The following GLI2 variants were observed in gnomAD, a reference collection of about 807,000 sequenced individuals.
GLI2 encodes the protein transcription activator GLI2.
Under a neutral mutation model 78.9 loss-of-function variants are expected in GLI2, and 22 were observed. That is an observed-to-expected ratio of 0.28 (90% CI 0.20 to 0.40). The LOEUF is 0.40. Among genes scored for constraint, GLI2 ranks in the 10% least tolerant of loss-of-function variants. GLI2 has a pLI of 1.00. For synonymous variants in GLI2, 974 were observed against 963.7 expected, an observed-to-expected ratio of 1.01 and a Z score of -0.20; for missense variants, 2,097 against 2,213.2, an observed-to-expected ratio of 0.95 and a Z score of 1.05.
intron 2 of GLI2, among the ~76,000 whole-genome samples, chr2:120,870,533 GTA>G (rs1688373010): frequency 6.6e-6 from 1 of 152,220 alleles, no homozygotes; most frequent in Non-Finnish European, 1.5e-5. Context: ...AGAGATTGGA[GTA>G]TGGCCTCAGC....
At chr2:120,805,231 G>C (rs1003934556) in intron 2 of GLI2, among the ~76,000 whole-genome samples, 8 of 152,234 alleles carry the variant, frequency 5.3e-5, no homozygotes, top group African/African-American at 1.9e-4. Flanking sequence ...GCCGCAGCCC[G>C]GGGTCTGGAC....
rs200420376 is a variant in GLI2 at position 120,927,516 on chromosome 2, G to A, written c.254+50G>A. 4.9e-4 allele frequency: 623 copies of A among 1,260,786 alleles called. 1 individual carries two copies. Among genetic ancestry groups the A allele is most frequent in the Non-Finnish European group, 6.7e-4 (576 of 857,636 alleles). 78.1% of individuals were successfully genotyped at this position (1,260,786 alleles called of 1,614,324 possible). ...CTCCTGGCGTGCAGTCACCTGCCAT[G>A]GGGAGGCTGGGCCGGCAGCCTCAGC... On this transcript the variant is annotated intron_variant, in intron 3 of 13. Coordinates refer to ENST00000361492, the MANE Select transcript of GLI2 (RefSeq NM_001374353.1).
intron 5 of GLI2, among the ~76,000 whole-genome samples, chr2:120,967,291 C>G (rs947502828): frequency 8.5e-5 from 13 of 152,240 alleles, no homozygotes; most frequent in African/African-American, 3.1e-4. Context: ...CCAGGTGCTT[C>G]TCACGCTTCG....
chr2:120,749,796 G>A (rs1359508698), intron 1 of GLI2, among the ~76,000 whole-genome samples: 1 of 152,208 alleles, frequency 6.6e-6, no homozygotes, highest in Non-Finnish European at 1.5e-5. Context: ...AAGTGCACAT[G>A]TCTTTAAATG....
At chr2:120,899,821 T>G (rs757186179) in intron 2 of GLI2, among the ~76,000 whole-genome samples, 4 of 152,242 alleles carry the variant, frequency 2.6e-5, no homozygotes, top group Non-Finnish European at 5.9e-5. Flanking sequence ...GCTGTTTTTC[T>G]AACTGGTGTC....
At chr2:120,868,987 G>C (rs555745370) in intron 2 of GLI2, among the ~76,000 whole-genome samples, 5 of 152,340 alleles carry the variant, frequency 3.3e-5, no homozygotes, top group African/African-American at 1.2e-4. Flanking sequence ...GCACTGGGAA[G>C]GACATGACCA....
At chr2:120,917,180 A>G (rs1396774836) in intron 2 of GLI2, among the ~76,000 whole-genome samples, 1 of 152,180 alleles carries the variant, frequency 6.6e-6, no homozygotes, top group African/African-American at 2.4e-5. Flanking sequence ...CGCCATCCTT[A>G]CCCATGAGGT....
At position 120,941,258 on chromosome 2, in the gene GLI2, T is replaced by C. The variant is rs1387487865; in HGVS notation, c.255-9985T>C. On this transcript the variant is annotated intron_variant, in intron 3 of 13. Coordinates refer to ENST00000361492, the MANE Select transcript of GLI2 (RefSeq NM_001374353.1). Reference sequence around the variant, plus strand: ...CCAAAAGAATTTGCTGTATGGCTCTTAAAAAATGCAAATCCCCTTAGTACA... The same window carrying C: ...CCAAAAGAATTTGCTGTATGGCTCTCAAAAAATGCAAATCCCCTTAGTACA... Among the ~76,000 whole-genome samples the C allele has an allele frequency of 2.0e-5, 3 of 152,316 alleles. No individual in the cohort carries two copies. In the East Asian group the frequency reaches 5.8e-4, roughly 29 times the overall value.
chr2:120,776,753 C>A (rs1054718364), intron 1 of GLI2, among the ~76,000 whole-genome samples: 1 of 152,208 alleles, frequency 6.6e-6, no homozygotes, highest in Non-Finnish European at 1.5e-5. Context: ...TGGGGCTGAG[C>A]CGGGGCAGAG....
chr2:120,807,867 C>G (rs56265375), intron 2 of GLI2, among the ~76,000 whole-genome samples: 3,304 of 152,232 alleles, frequency 0.022, 119 homozygotes, highest in African/African-American at 0.076. Flanking sequence ...CACCTCCCCG[C>G]CCCCGCCACC....
At chr2:120,904,217 G>A (rs1483120690) in intron 2 of GLI2, among the ~76,000 whole-genome samples, 1 of 152,212 alleles carries the variant, frequency 6.6e-6, no homozygotes, top group African/African-American at 2.4e-5. Context: ...GGAACACCAA[G>A]CAGTATCCTT....
chr2:120,815,744 G>T (rs1685465513), intron 2 of GLI2, among the ~76,000 whole-genome samples: 1 of 152,230 alleles, frequency 6.6e-6, no homozygotes, highest in African/African-American at 2.4e-5. Context: ...TGGAACCAGG[G>T]TGGTGATAGG....
intron 2 of GLI2, among the ~76,000 whole-genome samples, chr2:120,871,627 CT>C (rs1276456026): frequency 6.6e-6 from 1 of 152,184 alleles, no homozygotes; most frequent in Non-Finnish European, 1.5e-5. Flanking sequence ...GTTAGAGTAG[CT>C]AACCTCTAAA....
At chr2:120,917,981 C>T (rs1452421935) in intron 2 of GLI2, among the ~76,000 whole-genome samples, 13 of 152,190 alleles carry the variant, frequency 8.5e-5, no homozygotes, top group Admixed American at 7.9e-4. Flanking sequence ...GAGTGGCCAG[C>T]AGGGATTAAT....
intron 2 of GLI2, among the ~76,000 whole-genome samples, chr2:120,874,954 G>C (rs1050033432): frequency 6.6e-6 from 1 of 152,172 alleles, no homozygotes; most frequent in Non-Finnish European, 1.5e-5. Context: ...AAGCAAACTA[G>C]GTTAGGGTCC....
Position 120,988,464 on chromosome 2 carries a change from C to T in GLI2, c.2499C>T (p.Ser833=), listed in dbSNP as rs754391965. 14 of 1,563,850 alleles carry T rather than the reference C, an allele frequency of 9.0e-6. No individual in the cohort carries two copies. Among genetic ancestry groups the T allele is most frequent in the Non-Finnish European group, 8.6e-7 (1 of 1,164,770 alleles). ...GCGCCGGCCGCCCGCACAACGCGAG[C>T]TCCGCTGACTCCTACGACCCCATCT... The part of the protein sequence containing the change: ...PLGAGRPHNA[S]SADSYDPIST... The change falls in exon 14 of 14, where the codon AGC becomes AGT. Residue 833 remains serine (S), a synonymous_variant. Coordinates refer to ENST00000361492, the MANE Select transcript of GLI2 (RefSeq NM_001374353.1).
intron 5 of GLI2, among the ~76,000 whole-genome samples, chr2:120,956,387 G>C (rs1365934163): frequency 6.6e-6 from 1 of 152,058 alleles, no homozygotes; most frequent in African/African-American, 2.4e-5. Context: ...TGTTAGACAC[G>C]AAGTCCTTCC....
chr2:120,819,320 A>G (rs1573426999), intron 2 of GLI2, among the ~76,000 whole-genome samples: 1 of 147,378 alleles, frequency 6.8e-6, no homozygotes, highest in Non-Finnish European at 1.5e-5. Context: ...GCTCACTGCA[A>G]CCTCCGCCTC....
intron 2 of GLI2, among the ~76,000 whole-genome samples, chr2:120,901,948 G>T (rs1041245709): frequency 3.3e-5 from 5 of 152,100 alleles, no homozygotes; most frequent in Non-Finnish European, 7.4e-5. Flanking sequence ...GTATTAATTT[G>T]CAGGAAATTC....
Sources: allele counts gnomAD v4.1 joint callset (sites outside exome capture counted in the v4.1 genomes callset), GRCh38; gene constraint gnomAD v4.1.1; transcripts MANE v1.5; gene names NCBI Gene and HGNC (gene_info 2026-07-23, HGNC 2026-07-21).